Variants in BCR observed in about 807,000 individuals in gnomAD.
BCR encodes the protein breakpoint cluster region protein.
A neutral mutation model predicts 138.6 loss-of-function variants in BCR; 58 were observed. The observed-to-expected ratio is 0.42, with a 90% CI of 0.34 to 0.52. The LOEUF is 0.52. BCR is among the 20% of genes least tolerant of loss of function. The pLI is 0.06. For synonymous variants in BCR, 786 were observed against 730.1 expected, an observed-to-expected ratio of 1.08 and a Z score of -1.23; for missense variants, 1,599 against 1,727.2, an observed-to-expected ratio of 0.93 and a Z score of 1.32.
rs1601979412 is a variant in BCR at position 23,180,856 on chromosome 22, C to G, written c.-105C>G. 9 of 647,304 alleles carry G rather than the reference C, an allele frequency of 1.4e-5. No individual in the cohort carries two copies. Among genetic ancestry groups the G allele is most frequent in the Admixed American group, 1.5e-4 (2 of 13,608 alleles). 40.1% of individuals were successfully genotyped at this position (647,304 alleles called of 1,614,324 possible). A position where few individuals can be genotyped will look rare whatever the true frequency, so the allele number is the denominator to read the frequency against. On this transcript the variant is annotated 5_prime_UTR_variant, in exon 1 of 23. Transcript: ENST00000305877. ...TTCGCCGCCGCCGCCGCCGCGCGGG[C>G]CATGGGGGCCGCCCGGCGCCCGGGG... is the stretch of plus-strand genomic sequence containing the variant.
At chr22:23,247,927 C>A (rs1426345530) in intron 1 of BCR, among the ~76,000 whole-genome samples, 1 of 152,180 alleles carries the variant, frequency 6.6e-6, no homozygotes, top group Non-Finnish European at 1.5e-5. Flanking sequence ...TGTTCCATTG[C>A]GTGTATACAT....
At chr22:23,210,276 G>T (rs1462551501) in intron 1 of BCR, among the ~76,000 whole-genome samples, 1 of 152,012 alleles carries the variant, frequency 6.6e-6, no homozygotes, top group African/African-American at 2.4e-5. Context: ...AATTAGCTGG[G>T]CATGGTGGCA....
At chr22:23,196,314 G>A (rs1261376419) in intron 1 of BCR, among the ~76,000 whole-genome samples, 1 of 152,154 alleles carries the variant, frequency 6.6e-6, no homozygotes, top group Non-Finnish European at 1.5e-5. Flanking sequence ...GCCAGGGTGG[G>A]AGCCGGGACA....
At chr22:23,223,390 G>A (rs1373602010) in intron 1 of BCR, among the ~76,000 whole-genome samples, 2 of 152,186 alleles carry the variant, frequency 1.3e-5, no homozygotes, top group African/African-American at 2.4e-5. Context: ...GGCCCATTGG[G>A]GGACAGGAGC....
chr22:23,259,622 T>C (rs1211590568), intron 2 of BCR, among the ~76,000 whole-genome samples: 1 of 151,826 alleles, frequency 6.6e-6, no homozygotes, highest in Non-Finnish European at 1.5e-5. Context: ...GTTCAGGCAA[T>C]TCTCCTGCCT....
At chr22:23,231,795 G>A (rs779302120) in intron 1 of BCR, among the ~76,000 whole-genome samples, 2 of 152,216 alleles carry the variant, frequency 1.3e-5, no homozygotes, top group Non-Finnish European at 2.9e-5. Flanking sequence ...CCGTGCCTAC[G>A]CCCAACCTTT....
chr22:23,268,293 G>C (rs530862030), intron 4 of BCR, 115 bp from the exon 5 acceptor site: 2 of 789,520 alleles, frequency 2.5e-6, no homozygotes, highest in African/African-American at 3.6e-5. Flanking sequence ...TCTGCAGCCT[G>C]TGTGCCGTCT....
chr22:23,254,571 C>CT, intron 2 of BCR: 1 of 518,818 alleles, frequency 1.9e-6, no homozygotes, highest in South Asian at 1.4e-5. Flanking sequence ...GGACCCACGC[C>CT]CCCCCTCACA....
intron 1 of BCR, among the ~76,000 whole-genome samples, chr22:23,240,583 G>A (rs571171851): frequency 5.9e-5 from 9 of 152,014 alleles, no homozygotes; most frequent in African/African-American, 2.2e-4. Context: ...CCCAGGAGGC[G>A]GAGCTTGCAG....
intron 1 of BCR, among the ~76,000 whole-genome samples, chr22:23,207,588 A>G (rs2072632053): frequency 1.3e-5 from 2 of 152,108 alleles, no homozygotes; most frequent in African/African-American, 4.8e-5. Flanking sequence ...GCACCACTGC[A>G]CTCTAGCCTG....
rs530751686 is a variant in BCR, at chr22:23,309,115, C to T, written c.3013-309C>T. 2.0e-5 allele frequency among the ~76,000 whole-genome samples: 3 copies of T among 152,172 alleles called. No individual in the cohort carries two copies. The South Asian group carries it at 6.2e-4, about 32-fold the overall frequency. On this transcript the variant is annotated intron_variant, in intron 16 of 22. Coordinates refer to ENST00000305877, the MANE Select transcript of BCR (RefSeq NM_004327.4). ...CTTTCACTGAGCTCCACATAGCACC[C>T]GTGGTGATGGAAGCCGGATGGAGAG... is the stretch of plus-strand genomic sequence containing the variant.
chr22:23,252,471 C>G (rs554866495), intron 1 of BCR, among the ~76,000 whole-genome samples: 3 of 133,968 alleles, frequency 2.2e-5, no homozygotes, highest in Non-Finnish European at 4.6e-5. Context: ...TGCTCTGTCA[C>G]CTAGGCTGGA....
At chr22:23,242,364 T>G (rs1268374568) in intron 1 of BCR, among the ~76,000 whole-genome samples, 1 of 152,148 alleles carries the variant, frequency 6.6e-6, no homozygotes, top group African/African-American at 2.4e-5. Flanking sequence ...AGGGCTATTT[T>G]CTCCCCTGGT....
chr22:23,203,086 C>G (rs2072575237), intron 1 of BCR, among the ~76,000 whole-genome samples: 2 of 152,088 alleles, frequency 1.3e-5, no homozygotes, highest in South Asian at 2.1e-4. Flanking sequence ...TCTTAAACTC[C>G]TGGGCTCAAA....
intron 11 of BCR, 84 bp from the exon 12 acceptor site, chr22:23,288,013 T>C: frequency 1.5e-6 from 2 of 1,313,030 alleles, no homozygotes; most frequent in Non-Finnish European, 2.2e-6. Context: ...ATACGAGTTG[T>C]GTGCTCTAAG....
At chr22:23,204,860 C>T (rs2072594241) in intron 1 of BCR, among the ~76,000 whole-genome samples, 1 of 152,172 alleles carries the variant, frequency 6.6e-6, no homozygotes, top group South Asian at 2.1e-4. Context: ...GATGTGCAAG[C>T]AGGTGGTTGG....
chr22:23,272,993 T>A, intron 6 of BCR, 88 bp from the exon 7 acceptor site: 1 of 1,446,272 alleles, frequency 6.9e-7, no homozygotes, highest in East Asian at 2.3e-5. Context: ...GGCAGCCCCC[T>A]CCCCACTCAC....
At chr22:23,249,110 CT>C (rs1400014409) in intron 1 of BCR, among the ~76,000 whole-genome samples, 3 of 152,076 alleles carry the variant, frequency 2.0e-5, no homozygotes, top group Non-Finnish European at 4.4e-5. Flanking sequence ...CATAGCAAGA[CT>C]TTTTCTCAAA....
intron 1 of BCR, among the ~76,000 whole-genome samples, chr22:23,200,935 T>A (rs1317586005): frequency 6.6e-6 from 1 of 152,234 alleles, no homozygotes; most frequent in Non-Finnish European, 1.5e-5. Context: ...TCACCAGGAC[T>A]TCTGCCAGTC....
Sources: allele counts gnomAD v4.1 joint callset (sites outside exome capture counted in the v4.1 genomes callset), GRCh38; gene constraint gnomAD v4.1.1; transcripts MANE v1.5; gene names NCBI Gene and HGNC (gene_info 2026-07-23, HGNC 2026-07-21).